Variants in ZFAND3 observed in about 807,000 individuals in gnomAD.
The protein encoded by ZFAND3 is zinc finger AN1-type containing 3.
A neutral mutation model predicts 29.6 loss-of-function variants in ZFAND3; 10 were observed. The observed-to-expected ratio is 0.34, with a 90% CI of 0.21 to 0.57. The LOEUF (loss-of-function observed/expected upper bound fraction) is 0.57. Among genes scored for constraint, ZFAND3 ranks in the 20% least tolerant of loss-of-function variants. ZFAND3 has a pLI of 0.86. For synonymous variants in ZFAND3, 128 were observed against 112.6 expected (o/e 1.14, Z -0.87); for missense variants, 230 against 304.5 (o/e 0.76, Z 1.82).
chr6:38,118,451 A>G (rs1457484811), intron 5 of ZFAND3, among the ~76,000 whole-genome samples: 1 of 152,066 alleles, frequency 6.6e-6, no homozygotes, highest in Non-Finnish European at 1.5e-5. Context: ...TTGCTTTTGT[A>G]ACGTAGGCTT....
chr6:37,995,214 G>A (rs1762829666), intron 2 of ZFAND3, among the ~76,000 whole-genome samples: 1 of 152,080 alleles, frequency 6.6e-6, no homozygotes, highest in African/African-American at 2.4e-5. Context: ...TTCTTTTGAG[G>A]TGATCTTCTT....
In ZFAND3 at chr6:38,153,233, A is replaced by G. The variant is rs1766272589; in HGVS notation, c.*844A>G. On this transcript the variant is annotated 3_prime_UTR_variant, in exon 6 of 6. Coordinates refer to ENST00000287218, the MANE Select transcript of ZFAND3 (RefSeq NM_021943.3). ...CACAGCGCGGTGGCTGGGTCTGCACACTGGCCTCTGCAGCCAGATTTCTAT... is the reference window on the plus strand; with the variant it reads ...CACAGCGCGGTGGCTGGGTCTGCACGCTGGCCTCTGCAGCCAGATTTCTAT... 5 of 985,362 alleles carry G rather than the reference A, an allele frequency of 5.1e-6. No homozygotes were observed. Among genetic ancestry groups the G allele is most frequent in the Non-Finnish European group, 6.0e-6 (5 of 829,964 alleles). 61.0% of individuals were successfully genotyped at this position (985,362 alleles called of 1,614,324 possible).
chr6:37,861,290 G>A (rs1335410344), intron 1 of ZFAND3, among the ~76,000 whole-genome samples: 1 of 152,118 alleles, frequency 6.6e-6, no homozygotes, highest in East Asian at 1.9e-4. Context: ...CATGATGAAA[G>A]TAAACAGTTT....
At chr6:37,910,619 T>C (rs930244422) in intron 1 of ZFAND3, among the ~76,000 whole-genome samples, 2 of 152,188 alleles carry the variant, frequency 1.3e-5, no homozygotes, top group African/African-American at 4.8e-5. Context: ...TTAAAATCTC[T>C]TAGCAATTTT....
At chr6:37,888,978 C>T (rs1407258574) in intron 1 of ZFAND3, among the ~76,000 whole-genome samples, 1 of 152,044 alleles carries the variant, frequency 6.6e-6, no homozygotes. Context: ...GGAAGCAAAC[C>T]TTTTTTGCAG....
intron 5 of ZFAND3, among the ~76,000 whole-genome samples, chr6:38,121,901 G>A (rs1424715645): frequency 6.6e-6 from 1 of 152,114 alleles, no homozygotes; most frequent in Non-Finnish European, 1.5e-5. Context: ...TCTGCTCCTC[G>A]TGAAAAATTT....
intron 2 of ZFAND3, among the ~76,000 whole-genome samples, chr6:37,985,499 C>CCACACACACACA (rs5875607): frequency 0.012 from 1,693 of 141,678 alleles, 9 homozygotes; most frequent in Non-Finnish European, 0.016. Context: ...GCTTGTGGTT[C>CCACACACACACA]CACACACACA....
chr6:38,036,542 C>T (rs906594423), intron 2 of ZFAND3, among the ~76,000 whole-genome samples: 1 of 152,012 alleles, frequency 6.6e-6, no homozygotes, highest in Non-Finnish European at 1.5e-5. Context: ...TTTGAGGGGG[C>T]CCAGATGTTG....
At chr6:37,873,186 G>C (rs1385819144) in intron 1 of ZFAND3, among the ~76,000 whole-genome samples, 1 of 152,220 alleles carries the variant, frequency 6.6e-6, no homozygotes, top group Non-Finnish European at 1.5e-5. Flanking sequence ...CAGGAGAATG[G>C]TGTGAACCCG....
intron 5 of ZFAND3, among the ~76,000 whole-genome samples, chr6:38,138,635 G>T (rs1469031383): frequency 1.3e-5 from 2 of 152,186 alleles, no homozygotes; most frequent in African/African-American, 4.8e-5. Flanking sequence ...GTGCAGAGCC[G>T]ATTCAGGACA....
intron 2 of ZFAND3, among the ~76,000 whole-genome samples, chr6:37,954,354 A>G (rs990681367): frequency 3.3e-5 from 5 of 152,126 alleles, no homozygotes; most frequent in African/African-American, 1.2e-4. Flanking sequence ...TCCCACAGCT[A>G]ACTGATGCTC....
chr6:37,908,331 C>T (rs528585476), intron 1 of ZFAND3, among the ~76,000 whole-genome samples: 228 of 152,106 alleles, frequency 1.5e-3, no homozygotes, highest in African/African-American at 5.2e-3. Context: ...CTAAAAATAC[C>T]TTAAATGCTT....
chr6:37,915,125 T>C (rs765237534), intron 1 of ZFAND3, among the ~76,000 whole-genome samples: 2 of 152,214 alleles, frequency 1.3e-5, no homozygotes, highest in Admixed American at 6.5e-5. Flanking sequence ...TGGAGATGGC[T>C]TCTTTTTTTT....
At chr6:38,136,694 C>T (rs1476650249) in intron 5 of ZFAND3, among the ~76,000 whole-genome samples, 1 of 152,198 alleles carries the variant, frequency 6.6e-6, no homozygotes, top group East Asian at 1.9e-4. Context: ...CTGTCTGTGC[C>T]TTGAGGACTG....
At chr6:38,063,541 CA>C (rs1396308095) in intron 3 of ZFAND3, among the ~76,000 whole-genome samples, 1 of 152,074 alleles carries the variant, frequency 6.6e-6, no homozygotes, top group African/African-American at 2.4e-5. Flanking sequence ...TTAAAGACAG[CA>C]ACTGTTGAAG....
rs1171839529 is a variant in ZFAND3, at chr6:37,846,797, C to T, written c.71+26781C>T. Among the ~76,000 whole-genome samples, 5 of 151,644 alleles carry T rather than the reference C, an allele frequency of 3.3e-5. No individual in the cohort carries two copies. The East Asian group carries it at 9.7e-4, about 29-fold the overall frequency. On this transcript the variant is annotated intron_variant, in intron 1 of 5. Transcript: ENST00000287218. ...CGTGATCTCGGCTCACTGCAACCTC[C>T]GCCGCCCAGGTTCAAGCAATTCTCC...
chr6:37,928,652 C>T (rs959226641), intron 1 of ZFAND3, among the ~76,000 whole-genome samples: 1 of 152,054 alleles, frequency 6.6e-6, no homozygotes, highest in Admixed American at 6.6e-5. Context: ...TCCCAAGTAG[C>T]TACAGACGTG....
intron 2 of ZFAND3, among the ~76,000 whole-genome samples, chr6:38,029,545 A>G (rs975553331): frequency 2.0e-5 from 3 of 152,204 alleles, no homozygotes; most frequent in African/African-American, 7.2e-5. Flanking sequence ...TAATTGGCAT[A>G]ATCTCAGGCA....
chr6:38,037,756 A>G (rs1460199607), intron 2 of ZFAND3, among the ~76,000 whole-genome samples: 1 of 152,184 alleles, frequency 6.6e-6, no homozygotes, highest in Non-Finnish European at 1.5e-5. Flanking sequence ...TTATCATTCT[A>G]ATGAAAGGCG....
Sources: allele counts gnomAD v4.1 joint callset (sites outside exome capture counted in the v4.1 genomes callset), GRCh38; gene constraint gnomAD v4.1.1; transcripts MANE v1.5; gene names NCBI Gene and HGNC (gene_info 2026-07-23, HGNC 2026-07-21).